Variants in RRS1 observed in about 807,000 individuals in gnomAD.
RRS1 encodes regulator of ribosome synthesis 1.
A neutral mutation model predicts 23.1 loss-of-function variants in RRS1; 10 were observed. The ratio of observed to expected loss-of-function variants is 0.43; its 90% CI spans 0.27 to 0.74. RRS1 has a LOEUF of 0.74. RRS1 is among the 30% of genes least tolerant of loss of function. The pLI, the probability that RRS1 is intolerant of heterozygous loss-of-function variation, is 0.19. For synonymous variants in RRS1, 198 were observed against 207.7 expected (o/e 0.95, Z 0.40); for missense variants, 485 against 484.3 (o/e 1.00, Z -0.01).
Position 66,429,843 on chromosome 8 carries a change from C to T in RRS1, c.712C>T (p.Arg238Cys). The T allele has an allele frequency of 6.2e-7, 1 of 1,613,476 alleles. No individual in the cohort carries two copies. Among genetic ancestry groups the T allele is most frequent in the Non-Finnish European group, 8.5e-7 (1 of 1,179,994 alleles). ...STASVGRFQE[R>C]LPKEKVPRGS... ...CGCCTCTGTGGGGCGCTTTCAGGAG[C>T]GCCTCCCCAAGGAGAAGGTGCCCCG... Residue 238 changes from arginine (R) to cysteine (C), a missense_variant, in exon 1 of 1, where the codon CGC becomes TGC. Transcript: ENST00000320270. This position sits in a 1 kb window ranked among gnomAD's most constrained non-coding sequence, Gnocchi z 5.1.
In RRS1 at chr8:66,429,438, A is replaced by G. The variant is rs1185046819; in HGVS notation, c.307A>G (p.Lys103Glu). ...GCCCACCACACGCCTGCCGCGAGAGAAGCCTCTGCCCCGACCGCGGCCACT... is the reference window on the plus strand; with the variant it reads ...GCCCACCACACGCCTGCCGCGAGAGGAGCCTCTGCCCCGACCGCGGCCACT... ...PEPTTRLPRE[K>E]PLPRPRPLTR... is the part of the protein sequence containing the mutation. Residue 103 changes from lysine to glutamate, a missense_variant, in exon 1 of 1, where the codon AAG becomes GAG. Physicochemically the swap from Lys to Glu is moderately conservative, Grantham distance 56. Transcript: ENST00000320270. The surrounding 1 kb of genome is among the most constrained non-coding windows in gnomAD (Gnocchi z 5.1). The G allele has an allele frequency of 6.4e-7, 1 of 1,554,278 alleles. No homozygotes were observed. Among genetic ancestry groups the G allele is most frequent in the East Asian group, 2.4e-5 (1 of 41,152 alleles).
chr8:66,429,045 C>A lies in RRS1; in HGVS notation c.-87C>A, dbSNP rs1232554016. ...CGGATTGGGCATCCCGGCATCTGCA[C>A]GTGGTTATGCTGCCGGAGTTTGGGC... On this transcript the variant is annotated 5_prime_UTR_variant, in exon 1 of 1. Coordinates refer to ENST00000320270, the MANE Select transcript of RRS1 (RefSeq NM_015169.4). The surrounding 1 kb of genome is among the most constrained non-coding windows in gnomAD (Gnocchi z 5.1). 6.6e-7 allele frequency: 1 copy of A among 1,509,104 alleles called. No individual in the cohort carries two copies. The highest frequency in any genetic ancestry group is 8.9e-7 in the Non-Finnish European group (1 of 1,125,286). 93.5% of individuals were successfully genotyped at this position (1,509,104 alleles called of 1,614,324 possible).
Position 66,429,596 on chromosome 8 carries a change from A to T in RRS1, c.465A>T (p.Glu155Asp). The change falls in exon 1 of 1, where the codon GAA becomes GAT. Residue 155 changes from glutamate (E) to aspartate (D), a missense_variant. By Grantham distance (45) the Glu-to-Asp change is conservative (BLOSUM62 2). Coordinates refer to ENST00000320270, the MANE Select transcript of RRS1 (RefSeq NM_015169.4). The surrounding 1 kb of genome is among the most constrained non-coding windows in gnomAD (Gnocchi z 5.1). ...GYQRARDDTKEWLIEVPGNAD... is the reference protein window; with the variant it reads ...GYQRARDDTKDWLIEVPGNAD... ...AGCGCGCCCGGGACGACACCAAAGA[A>T]TGGCTGATTGAGGTGCCCGGCAATG... 6.2e-7 allele frequency: 1 copy of T among 1,613,156 alleles called. No individual in the cohort carries two copies. Among genetic ancestry groups the T allele is most frequent in the South Asian group, 1.1e-5 (1 of 91,078 alleles).
chr8:66,430,281 T>G lies in RRS1; in HGVS notation c.*52T>G. ...TAAACCAAGGACTATGAATACTAAATGTTAAGTTCTAGGCAATTATACGGG... is the reference window on the plus strand; with the variant it reads ...TAAACCAAGGACTATGAATACTAAAGGTTAAGTTCTAGGCAATTATACGGG... On this transcript the variant is annotated 3_prime_UTR_variant, in exon 1 of 1. Transcript: ENST00000320270. 1 of 1,596,356 alleles carries G rather than the reference T, an allele frequency of 6.3e-7. No individual in the cohort carries two copies.
Position 66,429,387 on chromosome 8 carries a change from G to C in RRS1, c.256G>C (p.Glu86Gln). The C allele has an allele frequency of 6.4e-7, 1 of 1,550,516 alleles. No individual in the cohort carries two copies. Among genetic ancestry groups the C allele is most frequent in the Non-Finnish European group, 8.7e-7 (1 of 1,146,952 alleles). ...GCAGCTGCCCACGGAGCGCGTGGAA[G>C]AGGCGATAGTGGCGCGGCTGCCGGA... ...LWQLPTERVEEAIVARLPEPT... is the reference protein window; with the variant it reads ...LWQLPTERVEQAIVARLPEPT... The change falls in exon 1 of 1, where the codon GAG (glutamate) becomes CAG (glutamine). Residue 86 changes from glutamate (E) to glutamine (Q), a missense_variant. By Grantham distance (29) the Glu-to-Gln change is conservative (BLOSUM62 2). Transcript: ENST00000320270. This position sits in a 1 kb window ranked among gnomAD's most constrained non-coding sequence, Gnocchi z 5.1.
In RRS1 at chr8:66,429,126, G is replaced by A; in HGVS notation, c.-6G>A. On this transcript the variant is annotated 5_prime_UTR_variant, in exon 1 of 1. Coordinates refer to ENST00000320270, the MANE Select transcript of RRS1 (RefSeq NM_015169.4). The surrounding 1 kb of genome is among the most constrained non-coding windows in gnomAD (Gnocchi z 5.1). The stretch of plus-strand genomic sequence containing the variant: ...AGCCCCAAAGCGAGTGAGCCGAGCC[G>A]GAGCCATGGAGGGCCAGAGCGTGGA... The A allele has an allele frequency of 1.3e-6, 2 of 1,598,666 alleles. No individual in the cohort carries two copies. Among genetic ancestry groups the A allele is most frequent in the Non-Finnish European group, 1.7e-6 (2 of 1,169,614 alleles).
At position 66,430,135 on chromosome 8, in the gene RRS1, A is replaced by G; in HGVS notation, c.1004A>G (p.Lys335Arg). The change falls in exon 1 of 1, where the codon AAA becomes AGA. Residue 335 changes from lysine (K) to arginine (R), a missense_variant. By Grantham distance (26) the Lys-to-Arg change is conservative (BLOSUM62 2). Coordinates refer to ENST00000320270, the MANE Select transcript of RRS1 (RefSeq NM_015169.4). ...CCGCCCAGCCAGGGAGGGAAGAGGA[A>G]AGGGGGCTTGGGAGGCAAGATGAAT... ...GGPPSQGGKR[K>R]GGLGGKMNSG... 6.2e-7 allele frequency: 1 copy of G among 1,613,960 alleles called. No homozygotes were observed. The highest frequency in any genetic ancestry group is 8.5e-7 in the Non-Finnish European group (1 of 1,179,944).
Position 66,429,935 on chromosome 8 carries a change from G to A in RRS1, c.804G>A (p.Gln268=). ...ACTTTGCAGCCGAGAAAAAGAACCAGTTGGAGCTGCTTCGTGTCATGAACA... is the reference window on the plus strand; with the variant it reads ...ACTTTGCAGCCGAGAAAAAGAACCAATTGGAGCTGCTTCGTGTCATGAACA... ...FGDFAAEKKN[Q]LELLRVMNSK... The change falls in exon 1 of 1, where the codon CAG becomes CAA. Residue 268 remains glutamine (Q), a synonymous_variant. Coordinates refer to ENST00000320270, the MANE Select transcript of RRS1 (RefSeq NM_015169.4). This position sits in a 1 kb window ranked among gnomAD's most constrained non-coding sequence, Gnocchi z 5.1. 1.2e-6 allele frequency: 2 copies of A among 1,614,160 alleles called. No individual in the cohort carries two copies. Among genetic ancestry groups the A allele is most frequent in the Non-Finnish European group, 1.7e-6 (2 of 1,180,004 alleles).
rs759705797 is a variant in RRS1 at position 66,430,040 on chromosome 8, G to A, written c.909G>A (p.Arg303=). The part of the protein sequence containing the change: ...REEDQEEAAK[R]RKMSQKGKRK... ...AGGACCAGGAGGAGGCCGCCAAGAG[G>A]AGGAAAATGAGCCAGAAGGGCAAGA... The change falls in exon 1 of 1, where the codon AGG becomes AGA. Residue 303 remains arginine, a synonymous_variant. Coordinates refer to ENST00000320270, the MANE Select transcript of RRS1 (RefSeq NM_015169.4). 4.3e-6 allele frequency: 7 copies of A among 1,610,602 alleles called. No homozygotes were observed. Among genetic ancestry groups the A allele is most frequent in the Middle Eastern group, 1.7e-4 (1 of 6,052 alleles).
At position 66,429,019 on chromosome 8, in the gene RRS1, C is replaced by T; in HGVS notation, c.-113C>T. 2 of 1,448,752 alleles carry T rather than the reference C, an allele frequency of 1.4e-6. No individual in the cohort carries two copies. Among genetic ancestry groups the T allele is most frequent in the South Asian group, 1.4e-5 (1 of 71,888 alleles). The allele number at this position is 1,448,752 out of a possible 1,614,324, so 89.7% of individuals were successfully genotyped here. A position where few individuals can be genotyped will look rare whatever the true frequency, so the allele number is the denominator to read the frequency against. On this transcript the variant is annotated 5_prime_UTR_variant, in exon 1 of 1. Coordinates refer to ENST00000320270, the MANE Select transcript of RRS1 (RefSeq NM_015169.4). This position sits in a 1 kb window ranked among gnomAD's most constrained non-coding sequence, Gnocchi z 5.1. ...CGCTCCGGAAGCGAACCTTTCTTTT[C>T]CGGATTGGGCATCCCGGCATCTGCA...
Position 66,429,242 on chromosome 8 carries a change from C to A in RRS1, c.111C>A (p.Gly37=). 1.2e-6 allele frequency: 2 copies of A among 1,606,744 alleles called. No homozygotes were observed. The highest frequency in any genetic ancestry group is 1.7e-6 in the Non-Finnish European group (2 of 1,176,736). ...AGCTGGAGCTGCAGTTTGACCTGGGCAACCTGCTGGCGTCGGACCGGAACC... is the reference window on the plus strand; with the variant it reads ...AGCTGGAGCTGCAGTTTGACCTGGGAAACCTGCTGGCGTCGGACCGGAACC... The part of the protein sequence containing the change: ...HKELELQFDL[G]NLLASDRNPP... The change falls in exon 1 of 1, where the codon GGC becomes GGA. Residue 37 remains glycine (G), a synonymous_variant. Transcript: ENST00000320270. The surrounding 1 kb of genome is among the most constrained non-coding windows in gnomAD (Gnocchi z 5.1).
chr8:66,430,319 C>A lies in RRS1; in HGVS notation c.*90C>A. The A allele has an allele frequency of 7.2e-7, 1 of 1,398,246 alleles. No individual in the cohort carries two copies. The highest frequency in any genetic ancestry group is 9.8e-7 in the Non-Finnish European group (1 of 1,016,396). The allele number at this position is 1,398,246 out of a possible 1,614,324, so 86.6% of individuals were successfully genotyped here. A position where few individuals can be genotyped will look rare whatever the true frequency, so the allele number is the denominator to read the frequency against. ...GCAATTATACGGGGACTCAGAAGGA[C>A]CTGGCCGCTGCCTTCATTGAGTTTA... is the stretch of plus-strand genomic sequence containing the variant. On this transcript the variant is annotated 3_prime_UTR_variant, in exon 1 of 1. Transcript: ENST00000320270.
chr8:66,430,090 G>C lies in RRS1; in HGVS notation c.959G>C (p.Gly320Ala). 1 of 1,613,202 alleles carries C rather than the reference G, an allele frequency of 6.2e-7. No homozygotes were observed. The highest frequency in any genetic ancestry group is 8.5e-7 in the Non-Finnish European group (1 of 1,179,760). Residue 320 changes from glycine to alanine, a missense_variant, in exon 1 of 1, where the codon GGG becomes GCG. Coordinates refer to ENST00000320270, the MANE Select transcript of RRS1 (RefSeq NM_015169.4). ...AGAAAGGGAGGCCGGCAGGGGCCTG[G>C]GGGCAAGAGGAAAGGGGGCCCGCCC... ...GKRKGGRQGP[G>A]GKRKGGPPSQ...
chr8:66,430,400 T>C lies in RRS1; in HGVS notation c.*171T>C, dbSNP rs1034821135. 15 of 666,382 alleles carry C rather than the reference T, an allele frequency of 2.3e-5. No homozygotes were observed. In the African/African-American group the frequency reaches 2.8e-4, roughly 12 times the overall value. 41.3% of individuals were successfully genotyped at this position (666,382 alleles called of 1,614,324 possible). ...GTATGTAAGTGTTGGACTGCACAAA[T>C]TAATGTTTTTCCCACAACCGAGACT... On this transcript the variant is annotated 3_prime_UTR_variant, in exon 1 of 1. Coordinates refer to ENST00000320270, the MANE Select transcript of RRS1 (RefSeq NM_015169.4).
At position 66,429,124 on chromosome 8, in the gene RRS1, C is replaced by T; in HGVS notation, c.-8C>T. ...GCAGCCCCAAAGCGAGTGAGCCGAG[C>T]CGGAGCCATGGAGGGCCAGAGCGTG... On this transcript the variant is annotated 5_prime_UTR_variant, in exon 1 of 1. Coordinates refer to ENST00000320270, the MANE Select transcript of RRS1 (RefSeq NM_015169.4). The surrounding 1 kb of genome is among the most constrained non-coding windows in gnomAD (Gnocchi z 5.1). The T allele has an allele frequency of 6.3e-7, 1 of 1,597,680 alleles. No homozygotes were observed. The highest frequency in any genetic ancestry group is 2.3e-5 in the East Asian group (1 of 44,444).
In RRS1 at chr8:66,429,382, T is replaced by C. The variant is rs970465469; in HGVS notation, c.251T>C (p.Val84Ala). Reference sequence around the variant, plus strand: ...CTGTGGCAGCTGCCCACGGAGCGCGTGGAAGAGGCGATAGTGGCGCGGCTG... The same window carrying C: ...CTGTGGCAGCTGCCCACGGAGCGCGCGGAAGAGGCGATAGTGGCGCGGCTG... ...NQLWQLPTERVEEAIVARLPE... is the reference protein window; with the variant it reads ...NQLWQLPTERAEEAIVARLPE... The change falls in exon 1 of 1, where the codon GTG becomes GCG. Residue 84 changes from valine to alanine, a missense_variant. Transcript: ENST00000320270. This position sits in a 1 kb window ranked among gnomAD's most constrained non-coding sequence, Gnocchi z 5.1. 22 of 1,550,286 alleles carry C rather than the reference T, an allele frequency of 1.4e-5. No homozygotes were observed. Among genetic ancestry groups the C allele is most frequent in the Non-Finnish European group, 1.8e-5 (21 of 1,146,852 alleles).
rs761834831 is a variant in RRS1 at position 66,429,514 on chromosome 8, A to C, written c.383A>C (p.Lys128Thr). The part of the protein sequence containing the change: ...ARLKGIRPKK[K>T]TNLVWDEVSG... The stretch of plus-strand genomic sequence containing the variant: ...CTCAAGGGCATCCGTCCCAAGAAGA[A>C]GACCAACCTGGTGTGGGACGAGGTG... The change falls in exon 1 of 1, where the codon AAG (lysine) becomes ACG (threonine). Residue 128 changes from lysine (K) to threonine (T), a missense_variant. Lys to Thr is a moderately conservative substitution (Grantham distance 78). Coordinates refer to ENST00000320270, the MANE Select transcript of RRS1 (RefSeq NM_015169.4). This position sits in a 1 kb window ranked among gnomAD's most constrained non-coding sequence, Gnocchi z 5.1. 1.1e-5 allele frequency: 17 copies of C among 1,610,132 alleles called. No individual in the cohort carries two copies. The African/African-American group carries it at 1.2e-4, about 11-fold the overall frequency.
rs1029382194 is a variant in RRS1 at position 66,429,942 on chromosome 8, C to T, written c.811C>T (p.Leu271=). The change falls in exon 1 of 1, where the codon CTG becomes TTG. Residue 271 remains leucine (L), a synonymous_variant. Coordinates refer to ENST00000320270, the MANE Select transcript of RRS1 (RefSeq NM_015169.4). The surrounding 1 kb of genome is among the most constrained non-coding windows in gnomAD (Gnocchi z 5.1). ...AGCCGAGAAAAAGAACCAGTTGGAG[C>T]TGCTTCGTGTCATGAACAGCAAGAA... ...FAAEKKNQLE[L]LRVMNSKKPQ... is the part of the protein sequence containing the mutation. The T allele has an allele frequency of 6.2e-7, 1 of 1,614,130 alleles. No homozygotes were observed. Among genetic ancestry groups the T allele is most frequent in the Non-Finnish European group, 8.5e-7 (1 of 1,179,998 alleles).
Position 66,430,007 on chromosome 8 carries a change from G to C in RRS1, c.876G>C (p.Met292Ile). The C allele has an allele frequency of 6.2e-7, 1 of 1,612,736 alleles. No individual in the cohort carries two copies. The highest frequency in any genetic ancestry group is 8.5e-7 in the Non-Finnish European group (1 of 1,179,624). The change falls in exon 1 of 1, where the codon ATG (methionine) becomes ATC (isoleucine). Residue 292 changes from methionine to isoleucine, a missense_variant. Physicochemically the swap from Met to Ile is conservative, Grantham distance 10. Coordinates refer to ENST00000320270, the MANE Select transcript of RRS1 (RefSeq NM_015169.4). ...LDVTRATNKQ[M>I]REEDQEEAAK... Reference sequence around the variant, plus strand: ...TGACTAGGGCCACCAATAAGCAGATGAGGGAGGAGGACCAGGAGGAGGCCG... The same window carrying C: ...TGACTAGGGCCACCAATAAGCAGATCAGGGAGGAGGACCAGGAGGAGGCCG...
Sources: gnomAD v4.1 joint callset for allele counts on GRCh38, gnomAD v4.1.1 for gene constraint, Gnocchi (gnomAD v3.1) non-coding constraint, MANE v1.5 for transcripts, NCBI Gene and HGNC (gene_info 2026-07-23, HGNC 2026-07-21) for gene names.